IFNG-AS1: variants seen among roughly 807,000 people sequenced by gnomAD.
IFNG-AS1 encodes the protein IFNG antisense RNA 1 (non-protein coding).
At chr12:67,989,468 G>A (rs1253390937), upstream of IFNG-AS1, 2 of 152,116 alleles carry the variant, frequency 1.3e-5, no homozygotes, top group Non-Finnish European at 2.9e-5. Flanking sequence ...TAGCTTTTCT[G>A]ACTCTTAAAG....
chr12:68,000,047 A>G (rs2120431405), intron 2 of IFNG-AS1, among the ~76,000 whole-genome samples: 1 of 152,324 alleles, frequency 6.6e-6, no homozygotes, highest in South Asian at 2.1e-4. Flanking sequence ...TGGCTATAAA[A>G]TAGGCATTAA....
chr12:67,993,799 T>A (rs1879571818), intron 1 of IFNG-AS1, among the ~76,000 whole-genome samples: 1 of 152,234 alleles, frequency 6.6e-6, no homozygotes, highest in South Asian at 2.1e-4. Context: ...ACTTTTCTTT[T>A]GACTTTCCTT....
chr12:68,015,829 A>G (rs1200686820), intron 3 of IFNG-AS1, among the ~76,000 whole-genome samples: 2 of 152,110 alleles, frequency 1.3e-5, no homozygotes, highest in Non-Finnish European at 2.9e-5. Flanking sequence ...TCCAAATGTA[A>G]CTTACCCACC....
At chr12:67,999,540 G>C (rs1291666282) in intron 2 of IFNG-AS1, among the ~76,000 whole-genome samples, 2 of 152,184 alleles carry the variant, frequency 1.3e-5, no homozygotes, top group Non-Finnish European at 2.9e-5. Context: ...GTGGTCAATT[G>C]TGAGCCAATT....
chr12:68,013,278 T>C (rs1308389082), intron 3 of IFNG-AS1, among the ~76,000 whole-genome samples: 1 of 152,220 alleles, frequency 6.6e-6, no homozygotes, highest in Non-Finnish European at 1.5e-5. Context: ...CCACTTCCTC[T>C]CAATGCATTG....
intron 3 of IFNG-AS1, among the ~76,000 whole-genome samples, chr12:68,012,821 C>G (rs1001088663): frequency 1.3e-5 from 2 of 152,140 alleles, no homozygotes; most frequent in African/African-American, 2.4e-5. Context: ...GATGAGGAGG[C>G]CTTTGCTATC....
intron 4 of IFNG-AS1, chr12:68,020,693 C>T (rs1301171243): frequency 2.6e-5 from 4 of 152,086 alleles, no homozygotes; most frequent in Non-Finnish European, 4.4e-5. Context: ...TGCTCTTCAC[C>T]AAGAAGAGCC....
Position 68,010,061 on chromosome 12 carries a change from T to G in IFNG-AS1, n.241+3915T>G, listed in dbSNP as rs142271966. Among the ~76,000 whole-genome samples the G allele has an allele frequency of 4.2e-3, 647 of 152,320 alleles. 9 individuals are homozygous for G. Among genetic ancestry groups the G allele is most frequent in the African/African-American group, 0.015 (612 of 41,550 alleles). ...AGATTTAACTTTTGCCACATATGAA[T>G]GTTTACCACTACACCCAAGGGACTC... On this transcript the variant is annotated intron_variant and non_coding_transcript_variant, in intron 3 of 5. Transcript: ENST00000536914.
intron 1 of IFNG-AS1, among the ~76,000 whole-genome samples, chr12:67,993,050 C>T (rs1203067999): frequency 6.6e-6 from 1 of 152,166 alleles, no homozygotes; most frequent in Non-Finnish European, 1.5e-5. Context: ...ACTTTCCTGT[C>T]CTTGTGCAGT....
chr12:68,015,414 T>A (rs553250902), intron 3 of IFNG-AS1, among the ~76,000 whole-genome samples: 1 of 152,254 alleles, frequency 6.6e-6, no homozygotes, highest in East Asian at 1.9e-4. Flanking sequence ...TGCTGATCTT[T>A]TCACCTGAGG....
chr12:67,999,708 CAAAT>C (rs1332208563), intron 2 of IFNG-AS1, among the ~76,000 whole-genome samples: 3 of 152,136 alleles, frequency 2.0e-5, no homozygotes, highest in South Asian at 2.1e-4. Context: ...TAACGAGTGT[CAAAT>C]AAATTATTAA....
intron 2 of IFNG-AS1, among the ~76,000 whole-genome samples, chr12:68,000,781 A>T (rs1879749512): frequency 6.6e-6 from 1 of 151,946 alleles, no homozygotes; most frequent in South Asian, 2.1e-4. Context: ...CCATTGTTTT[A>T]TTTTTTTCTG....
intron 2 of IFNG-AS1, among the ~76,000 whole-genome samples, chr12:67,999,418 T>C (rs1361963791): frequency 6.6e-6 from 1 of 152,132 alleles, no homozygotes; most frequent in Non-Finnish European, 1.5e-5. Flanking sequence ...GCAGGGAAAG[T>C]ACTGTGTAAG....
chr12:67,996,180 A>G (rs1879638982), intron 2 of IFNG-AS1: 1 of 152,220 alleles, frequency 6.6e-6, no homozygotes, highest in Non-Finnish European at 1.5e-5. Context: ...TCCAAAATTT[A>G]AAAAGTCTCT....
chr12:68,014,027 G>A (rs1231450264), intron 3 of IFNG-AS1, among the ~76,000 whole-genome samples: 4 of 152,128 alleles, frequency 2.6e-5, no homozygotes, highest in Non-Finnish European at 4.4e-5. Context: ...ACATATCAGG[G>A]AGAACATATG....
chr12:67,991,656 A>T (rs1879515913), intron 1 of IFNG-AS1, among the ~76,000 whole-genome samples: 1 of 152,224 alleles, frequency 6.6e-6, no homozygotes, highest in Non-Finnish European at 1.5e-5. Context: ...TAAACCCAGA[A>T]CTTTTGCCAA....
intron 1 of IFNG-AS1, among the ~76,000 whole-genome samples, chr12:67,993,990 C>A (rs1261986507): frequency 7.2e-5 from 11 of 152,162 alleles, no homozygotes; most frequent in Admixed American, 7.2e-4. Flanking sequence ...TCAGTAATAA[C>A]AAGTTATTAT....
At chr12:68,018,156 T>A (rs1235537668) in intron 3 of IFNG-AS1, among the ~76,000 whole-genome samples, 1 of 152,168 alleles carries the variant, frequency 6.6e-6, no homozygotes, top group East Asian at 1.9e-4. Flanking sequence ...CTCACTGTTC[T>A]GTATGGATTC....
chr12:67,995,767 T>C (rs1879627853), intron 1 of IFNG-AS1, among the ~76,000 whole-genome samples: 1 of 151,170 alleles, frequency 6.6e-6, no homozygotes, highest in East Asian at 1.9e-4. Flanking sequence ...GGGTGAGATA[T>C]TCAAATAAAA....
Sources: gnomAD v4.1 joint callset for allele counts (sites outside exome capture counted in the v4.1 genomes callset) on GRCh38, gnomAD v4.1.1 for gene constraint, MANE v1.5 for transcripts, NCBI Gene and HGNC (gene_info 2026-07-23, HGNC 2026-07-21) for gene names.